ZFPM2: variants seen among roughly 807,000 people sequenced by gnomAD.
The protein encoded by ZFPM2 is zinc finger protein, FOG family member 2.
In ZFPM2, 20 loss-of-function variants were observed where a neutral mutation model predicts 98.6. The observed-to-expected ratio is 0.20, with a 90% CI of 0.14 to 0.29. The LOEUF is 0.29. Ranked by LOEUF, ZFPM2 falls within the 10% of genes least tolerant of loss-of-function variation. ZFPM2 has a pLI of 1.00. For missense variants in ZFPM2, 1,310 were observed against 1,388.6 expected, an observed-to-expected ratio of 0.94 and a Z score of 0.90; for synonymous variants, 518 against 502.7, an observed-to-expected ratio of 1.03 and a Z score of -0.41.
At chr8:105,464,854 A>T (rs1812769049) in intron 3 of ZFPM2, among the ~76,000 whole-genome samples, 1 of 151,910 alleles carries the variant, frequency 6.6e-6, no homozygotes, top group Admixed American at 6.6e-5. Context: ...TAGGGAATGA[A>T]AAATGGAGGA....
At chr8:105,759,697 T>A (rs1216580882) in intron 5 of ZFPM2, among the ~76,000 whole-genome samples, 4 of 151,782 alleles carry the variant, frequency 2.6e-5, no homozygotes, top group Admixed American at 6.6e-5. Flanking sequence ...TGAACTGCAA[T>A]CTAGTAGGCA....
intron 4 of ZFPM2, among the ~76,000 whole-genome samples, chr8:105,619,684 T>TC (rs1816493529): frequency 8.6e-6 from 1 of 116,632 alleles, no homozygotes; most frequent in African/African-American, 3.2e-5. Context: ...CCCTCCCGCC[T>TC]CCCCCCACCC....
At chr8:105,795,159 AC>A (rs1813753132) in intron 6 of ZFPM2, among the ~76,000 whole-genome samples, 2 of 150,982 alleles carry the variant, frequency 1.3e-5, no homozygotes, top group African/African-American at 4.9e-5. Flanking sequence ...TGCAAAAATC[AC>A]CCGTCTTCTG....
chr8:105,460,845 T>G (rs1017308298), intron 3 of ZFPM2, among the ~76,000 whole-genome samples: 1 of 152,024 alleles, frequency 6.6e-6, no homozygotes, highest in African/African-American at 2.4e-5. Flanking sequence ...TTTTAACTTA[T>G]TAAATGTAAC....
At chr8:105,419,530 T>A (rs1011658527) in intron 2 of ZFPM2, among the ~76,000 whole-genome samples, 3 of 152,192 alleles carry the variant, frequency 2.0e-5, no homozygotes, top group Non-Finnish European at 4.4e-5. Flanking sequence ...GATTGGCCAA[T>A]TAACTATGCA....
At chr8:105,785,561 G>A (rs896794772) in intron 5 of ZFPM2, among the ~76,000 whole-genome samples, 4 of 152,152 alleles carry the variant, frequency 2.6e-5, no homozygotes, top group African/African-American at 9.7e-5. Flanking sequence ...GTAATTGACA[G>A]GATTAAAATA....
intron 5 of ZFPM2, among the ~76,000 whole-genome samples, chr8:105,669,700 A>G (rs945249692): frequency 1.3e-5 from 2 of 152,082 alleles, no homozygotes; most frequent in African/African-American, 2.4e-5. Context: ...CCTTCAGGCA[A>G]TATTTACAAA....
chr8:105,469,564 C>T (rs2130341145), intron 3 of ZFPM2, among the ~76,000 whole-genome samples: 1 of 152,292 alleles, frequency 6.6e-6, no homozygotes, highest in Non-Finnish European at 1.5e-5. Flanking sequence ...GACTGACTAG[C>T]CTCAAATACT....
intron 4 of ZFPM2, among the ~76,000 whole-genome samples, chr8:105,616,059 A>G (rs1371126013): frequency 6.6e-6 from 1 of 152,098 alleles, no homozygotes; most frequent in East Asian, 1.9e-4. Context: ...ATATGGTGTA[A>G]GAAGAATTTG....
chr8:105,572,301 G>T (rs1815374764), intron 4 of ZFPM2, among the ~76,000 whole-genome samples: 1 of 152,076 alleles, frequency 6.6e-6, no homozygotes, highest in African/African-American at 2.4e-5. Flanking sequence ...CTCCCAAAGT[G>T]CTGGGATTAC....
At chr8:105,672,884 T>C (rs1194983205) in intron 5 of ZFPM2, among the ~76,000 whole-genome samples, 1 of 152,184 alleles carries the variant, frequency 6.6e-6, no homozygotes, top group Non-Finnish European at 1.5e-5. Flanking sequence ...CTAAGCTACA[T>C]CTTTCAGGAA....
At chr8:105,762,406 G>C (rs949957312) in intron 5 of ZFPM2, among the ~76,000 whole-genome samples, 13 of 152,000 alleles carry the variant, frequency 8.6e-5, no homozygotes, top group Non-Finnish European at 1.8e-4. Context: ...CTCCAATAAA[G>C]ACAGCCACCA....
intron 1 of ZFPM2, among the ~76,000 whole-genome samples, chr8:105,334,833 C>T (rs1477630932): frequency 1.3e-5 from 2 of 151,492 alleles, no homozygotes; most frequent in Admixed American, 6.6e-5. Flanking sequence ...TGCTCTTTTT[C>T]GTACCTTATT....
intron 5 of ZFPM2, chr8:105,785,114 A>G (rs1813374771): frequency 6.6e-6 from 1 of 152,102 alleles, no homozygotes; most frequent in African/African-American, 2.4e-5. Flanking sequence ...CTGGGTTACC[A>G]CATGAATGCA....
intron 5 of ZFPM2, among the ~76,000 whole-genome samples, chr8:105,745,168 C>T (rs940195327): frequency 1.3e-4 from 20 of 152,096 alleles, no homozygotes; most frequent in Non-Finnish European, 1.8e-4. Context: ...TCTATAGTGT[C>T]CTTCCATACA....
intron 4 of ZFPM2, among the ~76,000 whole-genome samples, chr8:105,596,970 G>A (rs1411123074): frequency 6.6e-6 from 1 of 151,500 alleles, no homozygotes; most frequent in Non-Finnish European, 1.5e-5. Flanking sequence ...TTGTAAAGTA[G>A]AATTGAAATT....
intron 3 of ZFPM2, among the ~76,000 whole-genome samples, chr8:105,537,696 A>G (rs1563706823): frequency 6.6e-6 from 1 of 151,994 alleles, no homozygotes; most frequent in Non-Finnish European, 1.5e-5. Flanking sequence ...TAAAAGAAAA[A>G]GAAAGAAATA....
At chr8:105,556,738 C>CCTCCT (rs1563717968) in intron 3 of ZFPM2, among the ~76,000 whole-genome samples, 6 of 146,982 alleles carry the variant, frequency 4.1e-5, no homozygotes, top group South Asian at 2.3e-4. Context: ...CCTCCCCTCC[C>CCTCCT]CTTTGACAGA....
intron 3 of ZFPM2, among the ~76,000 whole-genome samples, chr8:105,474,708 A>G (rs1812978591): frequency 6.6e-6 from 1 of 152,230 alleles, no homozygotes; most frequent in African/African-American, 2.4e-5. Context: ...CTTACATAGT[A>G]ATTTGCAAAC....
Sources: allele counts gnomAD v4.1 joint callset (sites outside exome capture counted in the v4.1 genomes callset), GRCh38; gene constraint gnomAD v4.1.1; transcripts MANE v1.5; gene names NCBI Gene and HGNC (gene_info 2026-07-23, HGNC 2026-07-21).